Variants in GPR176 observed in about 807,000 individuals in gnomAD.
The protein encoded by GPR176 is G protein-coupled receptor 176.
In GPR176, 26 loss-of-function variants were observed where a neutral mutation model predicts 35.4. That is an observed-to-expected ratio of 0.74 (90% CI 0.54 to 1.02). The LOEUF is 1.02. GPR176 is among the 50% of genes least tolerant of loss of function. The pLI, the probability that GPR176 is intolerant of heterozygous loss-of-function variation, is 0.00. For missense variants in GPR176, 597 were observed against 665.3 expected (o/e 0.90, Z 1.13); for synonymous variants, 278 against 271.3 (o/e 1.02, Z -0.24).
At chr15:39,878,623 C>T (rs1047685276) in intron 1 of GPR176, among the ~76,000 whole-genome samples, 5 of 152,132 alleles carry the variant, frequency 3.3e-5, no homozygotes, top group Non-Finnish European at 7.4e-5. Context: ...AATTTTATTT[C>T]CTTTGGATAC....
chr15:39,836,539 T>G lies in GPR176; in HGVS notation c.173-29281A>C, dbSNP rs550069126. ...AGAACCATGAGCCAAATAATCTCTT[T>G]TCTTTATAAATTACCCAGTCTCAGG... On this transcript the variant is annotated intron_variant, in intron 1 of 2. Coordinates refer to ENST00000561100, the MANE Select transcript of GPR176 (RefSeq NM_007223.3). Among the ~76,000 whole-genome samples, 171 of 152,254 alleles carry G rather than the reference T, an allele frequency of 1.1e-3. 1 individual carries two copies. Among genetic ancestry groups the G allele is most frequent in the African/African-American group, 3.8e-3 (157 of 41,562 alleles).
chr15:39,883,611 G>T (rs760440982), intron 1 of GPR176, among the ~76,000 whole-genome samples: 1 of 151,550 alleles, frequency 6.6e-6, no homozygotes, highest in Non-Finnish European at 1.5e-5. Context: ...TGGTCTACTC[G>T]TACATAAAGC....
At chr15:39,819,274 C>G (rs371821975) in intron 1 of GPR176, among the ~76,000 whole-genome samples, 121 of 152,326 alleles carry the variant, frequency 7.9e-4, no homozygotes, top group African/African-American at 2.8e-3. Flanking sequence ...TTAAATTACT[C>G]ATGCAAAAGG....
chr15:39,827,050 C>T (rs1395378118), intron 1 of GPR176, among the ~76,000 whole-genome samples: 1 of 152,082 alleles, frequency 6.6e-6, no homozygotes, highest in East Asian at 1.9e-4. Context: ...CTTCAGGGTG[C>T]CATTTTGACA....
At chr15:39,857,655 G>T (rs369742566) in intron 1 of GPR176, among the ~76,000 whole-genome samples, 158 of 151,574 alleles carry the variant, frequency 1.0e-3, no homozygotes, top group African/African-American at 3.8e-3. Context: ...GGGTGACAAG[G>T]CAAGACATTG....
At position 39,920,182 on chromosome 15, in the gene GPR176, C is replaced by A. The variant is rs995766705; in HGVS notation, c.-156G>T. ...CCCCTCACGTCTCCACATCGCCAAC[C>A]CCGGCGCCCGGGAGGCGGGGAGGGA... On this transcript the variant is annotated 5_prime_UTR_variant, in exon 1 of 3. Coordinates refer to ENST00000561100, the MANE Select transcript of GPR176 (RefSeq NM_007223.3). 11 of 447,818 alleles carry A rather than the reference C, an allele frequency of 2.5e-5. No individual in the cohort carries two copies. Among genetic ancestry groups the A allele is most frequent in the African/African-American group, 2.0e-5 (1 of 49,480 alleles). The allele number at this position is 447,818 out of a possible 1,614,324, so 27.7% of individuals were successfully genotyped here. A position where few individuals can be genotyped will look rare whatever the true frequency, so the allele number is the denominator to read the frequency against.
chr15:39,878,987 T>C (rs905921093), intron 1 of GPR176, among the ~76,000 whole-genome samples: 1 of 152,200 alleles, frequency 6.6e-6, no homozygotes, highest in Non-Finnish European at 1.5e-5. Flanking sequence ...GCTGGATGTA[T>C]GTATATGTGG....
chr15:39,856,441 GT>G (rs1226960593), intron 1 of GPR176, among the ~76,000 whole-genome samples: 1 of 152,244 alleles, frequency 6.6e-6, no homozygotes, highest in Admixed American at 6.5e-5. Context: ...GAATACAAGA[GT>G]AGTTGGGCTG....
At chr15:39,894,548 C>CG (rs1208139821) in intron 1 of GPR176, 8 of 180,214 alleles carry the variant, frequency 4.4e-5, no homozygotes, top group South Asian at 2.1e-4. Flanking sequence ...GACAGGGTCG[C>CG]GGCCGGGCAG....
intron 1 of GPR176, among the ~76,000 whole-genome samples, chr15:39,821,755 T>G (rs933833291): frequency 6.6e-6 from 1 of 152,202 alleles, no homozygotes; most frequent in Non-Finnish European, 1.5e-5. Context: ...GATAAGATTA[T>G]GTAAGTCTTA....
At chr15:39,897,493 C>T (rs567884653) in intron 1 of GPR176, among the ~76,000 whole-genome samples, 1 of 152,302 alleles carries the variant, frequency 6.6e-6, no homozygotes, top group East Asian at 1.9e-4. Context: ...AATGCCTCAC[C>T]CTCCACCTTT....
chr15:39,803,681 G>A (rs1039504471), intron 2 of GPR176, among the ~76,000 whole-genome samples: 4 of 152,198 alleles, frequency 2.6e-5, no homozygotes, highest in South Asian at 2.1e-4. Context: ...TAAACCCAAC[G>A]GGGACAAAGA....
At chr15:39,869,555 G>C (rs1264487359) in intron 1 of GPR176, among the ~76,000 whole-genome samples, 1 of 152,124 alleles carries the variant, frequency 6.6e-6, no homozygotes, top group Non-Finnish European at 1.5e-5. Flanking sequence ...TGGCCAAATT[G>C]TACTTCTCCA....
At chr15:39,913,499 C>T (rs1907564) in intron 1 of GPR176, among the ~76,000 whole-genome samples, 12,137 of 150,926 alleles carry the variant, frequency 0.08, 871 homozygotes, top group Admixed American at 0.21. Flanking sequence ...GAACTGAGAT[C>T]GCACCACTGT....
intron 1 of GPR176, among the ~76,000 whole-genome samples, chr15:39,810,788 G>A (rs1027726163): frequency 3.3e-5 from 5 of 152,326 alleles, no homozygotes; most frequent in East Asian, 1.9e-4. Context: ...AAAGTGGATC[G>A]ACAAGGGTCA....
chr15:39,850,778 T>C (rs1317629784), intron 1 of GPR176, among the ~76,000 whole-genome samples: 4 of 152,102 alleles, frequency 2.6e-5, no homozygotes, highest in Admixed American at 1.3e-4. Context: ...TGTCAATCTA[T>C]AGTTAGCTCA....
chr15:39,919,937 C>T lies in GPR176; in HGVS notation c.90G>A (p.Ala30=), dbSNP rs1353403833. The T allele has an allele frequency of 1.3e-6, 2 of 1,518,510 alleles. No homozygotes were observed. The highest frequency in any genetic ancestry group is 2.5e-5 in the South Asian group (2 of 79,614). 94.1% of individuals were successfully genotyped at this position (1,518,510 alleles called of 1,614,324 possible). A position where few individuals can be genotyped will look rare whatever the true frequency, so the allele number is the denominator to read the frequency against. ...GCTGCGCCTCGCCGAACTCCCCGAG[C>T]GCGCTGCGGTTCACACCCGCAGCCT... ...GAEAAGVNRS[A]LGEFGEAQLY... Residue 30 remains alanine, a synonymous_variant, in exon 1 of 3, where the codon GCG becomes GCA. Coordinates refer to ENST00000561100, the MANE Select transcript of GPR176 (RefSeq NM_007223.3).
chr15:39,811,772 C>T (rs376378843), intron 1 of GPR176, among the ~76,000 whole-genome samples: 108 of 152,142 alleles, frequency 7.1e-4, no homozygotes, highest in African/African-American at 2.5e-3. Flanking sequence ...AAAAATTAGC[C>T]GGGCGTAGTA....
At chr15:39,880,524 AGATTCTTAG>A (rs2032434815) in intron 1 of GPR176, among the ~76,000 whole-genome samples, 1 of 152,174 alleles carries the variant, frequency 6.6e-6, no homozygotes, top group Non-Finnish European at 1.5e-5. Context: ...CTCCAGCTTT[AGATTCTTAG>A]ATCAAATTGG....
Sources: allele counts gnomAD v4.1 joint callset (sites outside exome capture counted in the v4.1 genomes callset), GRCh38; gene constraint gnomAD v4.1.1; transcripts MANE v1.5; gene names NCBI Gene and HGNC (gene_info 2026-07-23, HGNC 2026-07-21).